TRAF3IP1: variants seen among roughly 807,000 people sequenced by gnomAD.
The protein encoded by TRAF3IP1 is TRAF3-interacting protein 1.
Under a neutral mutation model 89.9 loss-of-function variants are expected in TRAF3IP1, and 53 were observed. The ratio of observed to expected loss-of-function variants is 0.59; its 90% CI spans 0.47 to 0.74. The LOEUF (loss-of-function observed/expected upper bound fraction) is 0.74. Among genes scored for constraint, TRAF3IP1 ranks in the 30% least tolerant of loss-of-function variants. The probability of loss-of-function intolerance (pLI) is 0.00; values close to 1 mark genes in which losing one functional copy is unlikely to be tolerated. For synonymous variants in TRAF3IP1, 311 were observed against 322.1 expected (o/e 0.97, Z 0.37); for missense variants, 806 against 866.1 (o/e 0.93, Z 0.87).
intron 16 of TRAF3IP1, 54 bp from the exon 17 acceptor site, chr2:238,398,700 C>A: frequency 6.8e-7 from 1 of 1,476,414 alleles, no homozygotes; most frequent in East Asian, 2.4e-5. Context: ...AATTAAGAAG[C>A]CAACACACAA....
intron 12 of TRAF3IP1, among the ~76,000 whole-genome samples, chr2:238,350,965 G>C (rs1476335404): frequency 6.6e-6 from 1 of 152,134 alleles, no homozygotes; most frequent in Non-Finnish European, 1.5e-5. Context: ...AGTGAGGGAG[G>C]AGCCCTCGGG....
intron 14 of TRAF3IP1, 44 bp downstream of exon 14, chr2:238,353,253 G>GC (rs1304368299): frequency 4.4e-6 from 7 of 1,604,138 alleles, no homozygotes; most frequent in Non-Finnish European, 6.0e-6. Context: ...ATGTGTGTGT[G>GC]CTCATGCACC....
intron 15 of TRAF3IP1, among the ~76,000 whole-genome samples, chr2:238,388,900 C>G (rs1420525139): frequency 6.6e-6 from 1 of 152,198 alleles, no homozygotes; most frequent in East Asian, 1.9e-4. Flanking sequence ...TTCCAAAGTG[C>G]TGGCATTACA....
chr2:238,378,149 T>C (rs1393777764), intron 15 of TRAF3IP1, among the ~76,000 whole-genome samples: 1 of 152,186 alleles, frequency 6.6e-6, no homozygotes, highest in African/African-American at 2.4e-5. Flanking sequence ...TGTTGTTCTC[T>C]TTTTAATCTT....
intron 15 of TRAF3IP1, among the ~76,000 whole-genome samples, chr2:238,392,395 C>T (rs1416064902): frequency 2.6e-5 from 4 of 152,136 alleles, no homozygotes; most frequent in African/African-American, 9.7e-5. Flanking sequence ...CCTCTTCCCC[C>T]ACCTCGAACT....
intron 15 of TRAF3IP1, 141 bp from the exon 16 acceptor site, chr2:238,397,318 G>A: frequency 1.5e-6 from 1 of 679,900 alleles, no homozygotes; most frequent in Non-Finnish European, 2.6e-6. Flanking sequence ...CCCTTTGCAT[G>A]GGAGTGAGTG....
intron 8 of TRAF3IP1, among the ~76,000 whole-genome samples, chr2:238,339,804 C>A (rs1428017346): frequency 6.6e-6 from 1 of 152,222 alleles, no homozygotes; most frequent in East Asian, 1.9e-4. Flanking sequence ...CAGATCAGGG[C>A]GAGACAGCGC....
Position 238,398,536 on chromosome 2 carries a change from A to G in TRAF3IP1, c.1911-218A>G, listed in dbSNP as rs564944419. Among the ~76,000 whole-genome samples, 15 of 152,180 alleles carry G rather than the reference A, an allele frequency of 9.9e-5. No homozygotes were observed. The South Asian group carries it at 1.4e-3, about 15-fold the overall frequency. On this transcript the variant is annotated intron_variant, in intron 16 of 16. Transcript: ENST00000373327. ...TTCTGTATGTAATTTAAGGACTTCAAGATTATCATTGAAGAAATATTAACT... is the reference window on the plus strand; with the variant it reads ...TTCTGTATGTAATTTAAGGACTTCAGGATTATCATTGAAGAAATATTAACT...
intron 1 of TRAF3IP1, among the ~76,000 whole-genome samples, chr2:238,322,338 A>G (rs1282345218): frequency 6.6e-6 from 1 of 152,216 alleles, no homozygotes; most frequent in African/African-American, 2.4e-5. Flanking sequence ...CGCTCAGCTC[A>G]CGGTGGCTGT....
At chr2:238,388,095 C>G (rs1002702413) in intron 15 of TRAF3IP1, among the ~76,000 whole-genome samples, 1 of 151,684 alleles carries the variant, frequency 6.6e-6, no homozygotes, top group Admixed American at 6.6e-5. Flanking sequence ...AAAAATTAGT[C>G]GGGTCCGGTG....
At chr2:238,333,840 T>C in intron 6 of TRAF3IP1, 120 bp from the exon 7 acceptor site, 2 of 792,746 alleles carry the variant, frequency 2.5e-6, no homozygotes, top group Admixed American at 5.3e-5. Context: ...TTAAAGCATA[T>C]GGGCACTATT....
intron 15 of TRAF3IP1, among the ~76,000 whole-genome samples, chr2:238,372,759 G>A (rs1045081295): frequency 6.6e-6 from 1 of 152,208 alleles, no homozygotes; most frequent in Non-Finnish European, 1.5e-5. Context: ...CAGTGTAAAA[G>A]CATTCCTATT....
intron 15 of TRAF3IP1, among the ~76,000 whole-genome samples, chr2:238,397,040 A>G (rs571508558): frequency 6.6e-6 from 1 of 152,302 alleles, no homozygotes; most frequent in South Asian, 2.1e-4. Flanking sequence ...GGGCCATTTG[A>G]AGAGCTGTAG....
In TRAF3IP1 at chr2:238,333,706, G is replaced by C. The variant is rs1156957782; in HGVS notation, c.988-254G>C. On this transcript the variant is annotated intron_variant, in intron 6 of 16. Coordinates refer to ENST00000373327, the MANE Select transcript of TRAF3IP1 (RefSeq NM_015650.4). ...AAGACAGTGTTTCTCAAAGTGTGGG[G>C]AGCAGATTGTTGACCTTTTTAGGGC... Among the ~76,000 whole-genome samples, 18 of 152,188 alleles carry C rather than the reference G, an allele frequency of 1.2e-4. 1 individual carries two copies. The highest frequency in any genetic ancestry group is 1.2e-3 in the Admixed American group (18 of 15,280).
intron 15 of TRAF3IP1, among the ~76,000 whole-genome samples, chr2:238,388,296 A>T (rs1455863556): frequency 6.7e-6 from 1 of 148,900 alleles, no homozygotes; most frequent in Non-Finnish European, 1.5e-5. Context: ...AATCACTTGA[A>T]CTGGGGAGGC....
intron 12 of TRAF3IP1, 48 bp from the exon 13 acceptor site, chr2:238,352,779 C>G (rs1316344473): frequency 6.4e-7 from 1 of 1,562,776 alleles, no homozygotes; most frequent in Non-Finnish European, 8.7e-7. Context: ...ATGCTTGGGA[C>G]TGATGAAAAT....
chr2:238,326,372 TC>T (rs1406822479), intron 3 of TRAF3IP1, among the ~76,000 whole-genome samples: 1 of 152,036 alleles, frequency 6.6e-6, no homozygotes, highest in African/African-American at 2.4e-5. Flanking sequence ...CTTTTCTTCT[TC>T]CCTGGGTCTT....
At chr2:238,395,340 C>G (rs1701164294) in intron 15 of TRAF3IP1, among the ~76,000 whole-genome samples, 1 of 152,140 alleles carries the variant, frequency 6.6e-6, no homozygotes, top group Non-Finnish European at 1.5e-5. Context: ...ATGTAGAAAG[C>G]TGAAATTGGA....
chr2:238,326,064 A>C (rs928156765), intron 3 of TRAF3IP1, 94 bp downstream of exon 3: 1 of 1,269,254 alleles, frequency 7.9e-7, no homozygotes, highest in African/African-American at 1.5e-5. Flanking sequence ...GGTTTAGGGA[A>C]GGAGTTTCAG....
Sources: gnomAD v4.1 joint callset for allele counts (sites outside exome capture counted in the v4.1 genomes callset) on GRCh38, gnomAD v4.1.1 for gene constraint, MANE v1.5 for transcripts, NCBI Gene and HGNC (gene_info 2026-07-23, HGNC 2026-07-21) for gene names.